DNAH10: variants seen among roughly 807,000 people sequenced by gnomAD.
DNAH10 encodes axonemal beta dynein heavy chain 10.
A neutral mutation model predicts 506.6 loss-of-function variants in DNAH10; 348 were observed. That is an observed-to-expected ratio of 0.69 (90% CI 0.63 to 0.75). The LOEUF (loss-of-function observed/expected upper bound fraction) is 0.75, where lower values mean the gene tolerates loss of function less well. Ranked by LOEUF, DNAH10 falls within the 30% of genes least tolerant of loss-of-function variation. The probability of loss-of-function intolerance (pLI) is 0.00; values close to 1 mark genes in which losing one functional copy is unlikely to be tolerated. For synonymous variants in DNAH10, 2,059 were observed against 2,198.6 expected (o/e 0.94, Z 1.78); for missense variants, 5,179 against 5,787.1 (o/e 0.89, Z 3.41).
intron 47 of DNAH10, 41 bp from the exon 48 acceptor site, chr12:123,877,695 G>GGACATTT: frequency 6.4e-7 from 1 of 1,562,038 alleles, no homozygotes. Flanking sequence ...ATCTACTGAA[G>GGACATTT]GACATTTGTG....
intron 29 of DNAH10, 80 bp from the exon 30 acceptor site, chr12:123,841,242 G>T: frequency 1.4e-6 from 2 of 1,472,300 alleles, no homozygotes; most frequent in Non-Finnish European, 9.5e-7. Context: ...TGGCAGCTCT[G>T]CTGGATGGAG....
intron 14 of DNAH10, among the ~76,000 whole-genome samples, chr12:123,799,891 GC>G (rs1958419277): frequency 1.3e-5 from 2 of 152,172 alleles, no homozygotes; most frequent in Non-Finnish European, 2.9e-5. Flanking sequence ...AGTGGAGAGG[GC>G]CAGGTGGGAC....
chr12:123,854,499 CATAGGCTCAACTGCTGCACA>C (rs1951313267), intron 36 of DNAH10, among the ~76,000 whole-genome samples: 1 of 152,218 alleles, frequency 6.6e-6, no homozygotes. Flanking sequence ...AGCATGCATT[CATAGGCTCAACTGCTGCACA>C]ATCTGGTACT....
At chr12:123,856,161 TATA>T (rs1330601106) in intron 36 of DNAH10, among the ~76,000 whole-genome samples, 4 of 147,260 alleles carry the variant, frequency 2.7e-5, no homozygotes, top group South Asian at 2.1e-4. Context: ...ATAATACAAA[TATA>T]ATTAATTTAT....
At chr12:123,875,593 C>A in intron 47 of DNAH10, 102 bp downstream of exon 47, 1 of 1,411,814 alleles carries the variant, frequency 7.1e-7, no homozygotes, top group South Asian at 1.3e-5. Context: ...GGTTAGGGCC[C>A]TCAATACTTT....
chr12:123,781,164 G>A lies in DNAH10; in HGVS notation c.706G>A (p.Glu236Lys), dbSNP rs767273295. 6 of 1,614,072 alleles carry A rather than the reference G, an allele frequency of 3.7e-6. No homozygotes were observed. The South Asian group carries it at 5.5e-5, about 15-fold the overall frequency. The change falls in exon 6 of 79, where the codon GAG becomes AAG. Residue 236 changes from glutamate to lysine, a missense_variant. By Grantham distance (56) the Glu-to-Lys change is moderately conservative (BLOSUM62 1). Around this residue, in one of 3 missense-constraint regions of DNAH10, gnomAD observed 326 missense variants for 330.8 expected, o/e 0.99. Transcript: ENST00000673944. Reference sequence around the variant, plus strand: ...ATCTGGAGAAGTCTCTAATTCCTCTGAGCATGAATCAGACCTGCCGCCCAT... The same window carrying A: ...ATCTGGAGAAGTCTCTAATTCCTCTAAGCATGAATCAGACCTGCCGCCCAT... ...VTSGEVSNSS[E>K]HESDLPPMPG...
chr12:123,794,577 G>A (rs1245118280), intron 12 of DNAH10, among the ~76,000 whole-genome samples: 1 of 152,220 alleles, frequency 6.6e-6, no homozygotes, highest in African/African-American at 2.4e-5. Context: ...TGGGCACAGT[G>A]ACTCATGCCT....
At chr12:123,896,140 C>CAG (rs1566064092) in intron 54 of DNAH10, among the ~76,000 whole-genome samples, 2 of 114,106 alleles carry the variant, frequency 1.8e-5, no homozygotes, top group Admixed American at 1.7e-4. Context: ...CACACACACA[C>CAG]ACACACACAG....
At position 123,907,498 on chromosome 12, in the gene DNAH10, G is replaced by A. The variant is rs572845269; in HGVS notation, c.9816-1763G>A. 3.1e-4 allele frequency among the ~76,000 whole-genome samples: 47 copies of A among 152,254 alleles called. No individual in the cohort carries two copies. The highest frequency in any genetic ancestry group is 1.1e-3 in the African/African-American group (46 of 41,520). ...TGGTCATCCGGCATTGTGGAAAGTG[G>A]TATGTTCTGGATAAGTGAGATCCCA... On this transcript the variant is annotated intron_variant, in intron 57 of 78. Coordinates refer to ENST00000673944, the MANE Select transcript of DNAH10 (RefSeq NM_001372106.1). This position sits in a 1 kb window ranked among gnomAD's most constrained non-coding sequence, Gnocchi z 4.4.
chr12:123,860,873 C>T (rs1951583126), intron 38 of DNAH10, 139 bp from the exon 39 acceptor site: 1 of 1,053,396 alleles, frequency 9.5e-7, no homozygotes, highest in African/African-American at 1.6e-5. Context: ...GAAGGGAAGC[C>T]CAGTGAAGAG....
rs1960440060 is a variant in DNAH10 at position 123,830,597 on chromosome 12, A to G, written c.4443A>G (p.Glu1481=). The G allele has an allele frequency of 6.2e-7, 1 of 1,613,728 alleles. No individual in the cohort carries two copies. The highest frequency in any genetic ancestry group is 8.5e-7 in the Non-Finnish European group (1 of 1,179,836). Residue 1481 remains glutamate (E), a synonymous_variant, in exon 26 of 79, where the codon GAA becomes GAG. Coordinates refer to ENST00000673944, the MANE Select transcript of DNAH10 (RefSeq NM_001372106.1). ...CGTCTGTCTTTTTTGAAATGACCGA[A>G]ACGTTCACCTTGGAAAATATGTTTG... ...EKTSVFFEMT[E]TFTLENMFAM...
chr12:123,931,763 C>G lies in DNAH10; in HGVS notation c.13044C>G (p.Pro4348=), dbSNP rs755700072. 10 of 1,613,956 alleles carry G rather than the reference C, an allele frequency of 6.2e-6. No individual in the cohort carries two copies. The highest frequency in any genetic ancestry group is 5.0e-5 in the Admixed American group (3 of 60,012). Residue 4348 remains proline, a synonymous_variant, in exon 75 of 79, where the codon CCC becomes CCG. Transcript: ENST00000673944. ...AGCGCCTCGGAACAGGACTCTCCCC[C>G]ACTTCGGTGGTGCTCCTGCAGGAAC... is the stretch of plus-strand genomic sequence containing the variant. ...VRKRLGTGLS[P]TSVVLLQELE...
intron 29 of DNAH10, among the ~76,000 whole-genome samples, chr12:123,838,898 C>T (rs1301761115): frequency 1.3e-5 from 2 of 152,154 alleles, no homozygotes; most frequent in African/African-American, 4.8e-5. Flanking sequence ...TTGCAGCCTC[C>T]ACCTCCCCGA....
At position 123,784,138 on chromosome 12, in the gene DNAH10, C is replaced by T; in HGVS notation, c.1191C>T (p.Asp397=). 1.9e-6 allele frequency: 3 copies of T among 1,614,210 alleles called. No homozygotes were observed. Among genetic ancestry groups the T allele is most frequent in the Non-Finnish European group, 2.5e-6 (3 of 1,180,042 alleles). The change falls in exon 8 of 79, where the codon GAC becomes GAT. Residue 397 remains aspartate (D), a synonymous_variant. Coordinates refer to ENST00000673944, the MANE Select transcript of DNAH10 (RefSeq NM_001372106.1). ...ELFKFHTEAS[D]NVRFLSTVER... ...TCAAGTTCCACACGGAGGCCTCAGA[C>T]AATGTGCGCTTTCTCTCCACCGTGG...
rs543028940 is a variant in DNAH10 at position 123,917,248 on chromosome 12, C to T, written c.11003-336C>T. On this transcript the variant is annotated intron_variant, in intron 63 of 78. Transcript: ENST00000673944. This position sits in a 1 kb window ranked among gnomAD's most constrained non-coding sequence, Gnocchi z 5.6. ...GCTCAAACTTCTGGGCTCAAGTGAT[C>T]CTCCTGCCTCTGCCTCCCAAAGTGC... Among the ~76,000 whole-genome samples the T allele has an allele frequency of 6.6e-6, 1 of 152,206 alleles. No individual in the cohort carries two copies. Among genetic ancestry groups the T allele is most frequent in the South Asian group, 2.1e-4 (1 of 4,818 alleles).
chr12:123,915,525 T>C (rs1954437109), intron 62 of DNAH10, among the ~76,000 whole-genome samples: 1 of 149,734 alleles, frequency 6.7e-6, no homozygotes, highest in Non-Finnish European at 1.5e-5. Flanking sequence ...CCTCCAGTCC[T>C]TCCGTTTCTC....
rs918590874 is a variant in DNAH10, at chr12:123,881,477, C to T, written c.8635-148C>T. The T allele has an allele frequency of 5.8e-5, 45 of 773,246 alleles. 1 individual carries two copies. Among genetic ancestry groups the T allele is most frequent in the African/African-American group, 3.2e-4 (18 of 55,388 alleles). 47.9% of individuals were successfully genotyped at this position (773,246 alleles called of 1,614,324 possible). A position where few individuals can be genotyped will look rare whatever the true frequency, so the allele number is the denominator to read the frequency against. ...TTGAGAAGTGTCTGTTCGTATCCTT[C>T]GCCCACTTTTTGATGAAGTTGTTTG... is the stretch of plus-strand genomic sequence containing the variant. On this transcript the variant is annotated intron_variant, in intron 50 of 78. Transcript: ENST00000673944.
intron 27 of DNAH10, 125 bp from the exon 28 acceptor site, chr12:123,835,281 C>A: frequency 9.2e-7 from 1 of 1,086,012 alleles, no homozygotes; most frequent in Non-Finnish European, 1.3e-6. Flanking sequence ...ACTCTGTCAC[C>A]TTGCCTGGAA....
Position 123,785,821 on chromosome 12 carries a change from T to A in DNAH10, c.1306T>A (p.Trp436Arg), listed in dbSNP as rs199697349. The part of the protein sequence containing the change: ...PAMMSALRMV[W>R]IISRHYNKDE... ...CATGATGAGTGCCCTGCGGATGGTG[T>A]GGATCATCTCCCGACACTACAACAA... is the stretch of plus-strand genomic sequence containing the variant. The change falls in exon 9 of 79, where the codon TGG becomes AGG. Residue 436 changes from tryptophan to arginine, a missense_variant. Trp to Arg is a moderately radical substitution (Grantham distance 101). Transcript: ENST00000673944. The surrounding 1 kb of genome is among the most constrained non-coding windows in gnomAD (Gnocchi z 4.1). 1 of 1,614,158 alleles carries A rather than the reference T, an allele frequency of 6.2e-7. No individual in the cohort carries two copies. Among genetic ancestry groups the A allele is most frequent in the Non-Finnish European group, 8.5e-7 (1 of 1,180,026 alleles).
Sources: allele counts gnomAD v4.1 joint callset (sites outside exome capture counted in the v4.1 genomes callset), GRCh38; gene constraint gnomAD v4.1.1; regional missense constraint gnomAD v4.1.1; non-coding constraint Gnocchi (gnomAD v3.1); transcripts MANE v1.5; gene names NCBI Gene and HGNC (gene_info 2026-07-23, HGNC 2026-07-21).